Variants in KIAA0319 observed in about 807,000 individuals in gnomAD.
KIAA0319 encodes dyslexia-associated protein KIAA0319.
KIAA0319 carries 83 observed loss-of-function variants against 108.4 expected under a neutral mutation model. The ratio of observed to expected loss-of-function variants is 0.77; its 90% CI spans 0.64 to 0.92. The LOEUF (loss-of-function observed/expected upper bound fraction) is 0.92, where lower values mean the gene tolerates loss of function less well. Among genes scored for constraint, KIAA0319 ranks in the 40% least tolerant of loss-of-function variants. The pLI is 0.00. For missense variants in KIAA0319, 1,195 were observed against 1,322.4 expected (o/e 0.90, Z 1.49); for synonymous variants, 484 against 510.4 (o/e 0.95, Z 0.70).
chr6:24,597,917 CAAAAAAAAAA>C (rs540860751), intron 2 of KIAA0319: 64 of 32,446 alleles, frequency 2.0e-3, no homozygotes, highest in Middle Eastern at 0.025. Flanking sequence ...GACCCTATCT[CAAAAAAAAAA>C]AAAAAAAAAA....
At chr6:24,602,771 A>T (rs975066798) in intron 1 of KIAA0319, among the ~76,000 whole-genome samples, 1 of 152,188 alleles carries the variant, frequency 6.6e-6, no homozygotes, top group African/African-American at 2.4e-5. Context: ...ACTGCACTCC[A>T]GCCTGGGCTA....
At chr6:24,623,863 C>A (rs908091696) in intron 1 of KIAA0319, among the ~76,000 whole-genome samples, 2 of 152,072 alleles carry the variant, frequency 1.3e-5, no homozygotes, top group African/African-American at 4.8e-5. Context: ...GATCATTATA[C>A]ATTGTATGCT....
At chr6:24,553,284 TA>T in intron 19 of KIAA0319, among the ~76,000 whole-genome samples, 1 of 81,452 alleles carries the variant, frequency 1.2e-5, no homozygotes, top group African/African-American at 5.4e-5. Flanking sequence ...GATATATATA[TA>T]TATATATATA....
At position 24,576,430 on chromosome 6, in the gene KIAA0319, G is replaced by A; in HGVS notation, c.1672C>T (p.Gln558Ter). 1 of 1,614,130 alleles carries A rather than the reference G, an allele frequency of 6.2e-7. No individual in the cohort carries two copies. The highest frequency in any genetic ancestry group is 8.5e-7 in the Non-Finnish European group (1 of 1,180,024). ...AGGGACCACTCATAGAGGACAATCT[G>A]GTGATCGTCACTGCTCTGGTTTCCA... is the stretch of plus-strand genomic sequence containing the variant. ...LNGNQSSDDH[Q>*]IVLYEWSLGP... The change falls in exon 10 of 21, where the codon CAG (glutamine) becomes TAG (stop). Residue 558 changes from glutamine to a stop codon, truncating the protein, a stop_gained. Transcript: ENST00000378214. LOFTEE classifies it high-confidence loss of function.
intron 1 of KIAA0319, among the ~76,000 whole-genome samples, chr6:24,609,361 G>A (rs1447099145): frequency 2.0e-5 from 3 of 150,526 alleles, no homozygotes; most frequent in African/African-American, 4.9e-5. Context: ...GGCAGATCAC[G>A]AGGTCAGGAG....
chr6:24,564,055 T>C (rs1256261270), intron 15 of KIAA0319, 147 bp downstream of exon 15: 7 of 801,914 alleles, frequency 8.7e-6, no homozygotes, highest in Non-Finnish European at 1.4e-5. Flanking sequence ...CACAACAAGG[T>C]GTAAGAGACA....
At chr6:24,624,581 A>T (rs1387748963) in intron 1 of KIAA0319, among the ~76,000 whole-genome samples, 4 of 152,144 alleles carry the variant, frequency 2.6e-5, no homozygotes, top group African/African-American at 7.2e-5. Flanking sequence ...ATAGAAAATG[A>T]TCTATTAGAA....
chr6:24,642,099 G>C (rs1273443265), intron 1 of KIAA0319, among the ~76,000 whole-genome samples: 2 of 125,718 alleles, frequency 1.6e-5, no homozygotes, highest in Non-Finnish European at 3.3e-5. Flanking sequence ...GAAAGGAAGG[G>C]AAGGGAAGGG....
chr6:24,565,148 G>A (rs1441224334), intron 14 of KIAA0319, among the ~76,000 whole-genome samples: 1 of 152,038 alleles, frequency 6.6e-6, no homozygotes, highest in Non-Finnish European at 1.5e-5. Context: ...AGCTACTCGG[G>A]AGGCTGAGGC....
In KIAA0319 at chr6:24,550,444, G is replaced by A. The variant is rs149691444; in HGVS notation, c.3040+990C>T. On this transcript the variant is annotated intron_variant, in intron 20 of 20. Coordinates refer to ENST00000378214, the MANE Select transcript of KIAA0319 (RefSeq NM_014809.4). ...AGAATTATGGAAAATCTATAGAATC[G>A]GTGTTTAGCAGCCTCAGAGGGCCAG... 2.7e-3 allele frequency among the ~76,000 whole-genome samples: 408 copies of A among 152,290 alleles called. 2 individuals are homozygous for A. The highest frequency in any genetic ancestry group is 9.4e-3 in the African/African-American group (391 of 41,558).
chr6:24,618,951 C>T (rs568864093), intron 1 of KIAA0319, among the ~76,000 whole-genome samples: 1 of 152,250 alleles, frequency 6.6e-6, no homozygotes. Context: ...TAGAAGGTCA[C>T]ATTTGAGCAA....
chr6:24,638,875 T>C (rs1413762267), intron 1 of KIAA0319, among the ~76,000 whole-genome samples: 2 of 152,234 alleles, frequency 1.3e-5, no homozygotes, highest in Admixed American at 6.5e-5. Context: ...TCCTGTATTG[T>C]ATACTTGAAA....
intron 3 of KIAA0319, among the ~76,000 whole-genome samples, chr6:24,594,198 C>CAAAAAAAAAAAAAAAA (rs761107947): frequency 1.8e-5 from 1 of 54,410 alleles, no homozygotes; most frequent in Non-Finnish European, 3.1e-5. Flanking sequence ...GACTCTGTCT[C>CAAAAAAAAAAAAAAAA]AAAAAAAAAA....
intron 1 of KIAA0319, among the ~76,000 whole-genome samples, chr6:24,640,900 C>G (rs62402863): frequency 1.3e-5 from 2 of 152,098 alleles, no homozygotes; most frequent in Non-Finnish European, 2.9e-5. Context: ...GTCATCTGCC[C>G]GCCTCAGCCT....
chr6:24,583,453 C>T, intron 5 of KIAA0319, 151 bp downstream of exon 5: 1 of 642,452 alleles, frequency 1.6e-6, no homozygotes, highest in African/African-American at 1.8e-5. Flanking sequence ...AATGTTGATG[C>T]TTAAGAATAA....
At chr6:24,617,545 G>A (rs1034842679) in intron 1 of KIAA0319, among the ~76,000 whole-genome samples, 1 of 152,196 alleles carries the variant, frequency 6.6e-6, no homozygotes, top group South Asian at 2.1e-4. Context: ...AGCTGATGGT[G>A]AAGCTGAAGC....
chr6:24,580,669 A>C (rs1582046892), intron 7 of KIAA0319, among the ~76,000 whole-genome samples: 1 of 152,182 alleles, frequency 6.6e-6, no homozygotes, highest in Non-Finnish European at 1.5e-5. Flanking sequence ...TAAATGTCAG[A>C]TAGAGAGGGC....
chr6:24,556,676 A>G lies in KIAA0319; in HGVS notation c.2788T>C (p.Cys930Arg). The part of the protein sequence containing the change: ...HGHCDPLTKR[C>R]ICSHLWMENL... ...TCCATCCATAAGTGAGAGCAAATGC[A>G]GCGCTTTGTGAGGGGGTCGCAGTGA... is the stretch of plus-strand genomic sequence containing the variant. The change falls in exon 18 of 21, where the codon TGC (cysteine) becomes CGC (arginine). Residue 930 changes from cysteine (C) to arginine (R), a missense_variant. Cys to Arg is a radical substitution (Grantham distance 180). Transcript: ENST00000378214. 6.2e-7 allele frequency: 1 copy of G among 1,614,100 alleles called. No homozygotes were observed. The highest frequency in any genetic ancestry group is 8.5e-7 in the Non-Finnish European group (1 of 1,179,984).
At chr6:24,602,672 G>A (rs1331521341) in intron 1 of KIAA0319, among the ~76,000 whole-genome samples, 3 of 152,216 alleles carry the variant, frequency 2.0e-5, no homozygotes, top group Non-Finnish European at 4.4e-5. Context: ...GTGGTGGCGG[G>A]CGCCTGTAGT....
Sources: allele counts gnomAD v4.1 joint callset (sites outside exome capture counted in the v4.1 genomes callset), GRCh38; gene constraint gnomAD v4.1.1; transcripts MANE v1.5; gene names NCBI Gene and HGNC (gene_info 2026-07-23, HGNC 2026-07-21).